Variants in OTUD3 observed in about 807,000 individuals in gnomAD.
OTUD3 encodes the protein OTU domain-containing protein 3.
A neutral mutation model predicts 46.2 loss-of-function variants in OTUD3; 24 were observed. The observed-to-expected ratio is 0.52, with a 90% confidence interval of 0.38 to 0.73. The LOEUF (loss-of-function observed/expected upper bound fraction) is 0.73. OTUD3 is among the 30% of genes least tolerant of loss of function. The probability of loss-of-function intolerance (pLI) is 0.00; values close to 1 mark genes in which losing one functional copy is unlikely to be tolerated. For synonymous variants in OTUD3, 189 were observed against 195.4 expected (o/e 0.97, Z 0.27); for missense variants, 455 against 523.3 (o/e 0.87, Z 1.27).
Position 19,890,370 on chromosome 1 carries a change from T to A in OTUD3, c.222-15T>A, listed in dbSNP as rs902091349. ...CATTTTTGAAAGGTCTTGACTCGTG[T>A]TGTTGTTTTGACAGCAATTGCTTGT... On this transcript the variant is annotated splice_polypyrimidine_tract_variant and intron_variant, in intron 1 of 7. Coordinates refer to ENST00000375120, the MANE Select transcript of OTUD3 (RefSeq NM_015207.2). The A allele has an allele frequency of 3.0e-5, 49 of 1,613,146 alleles. No individual in the cohort carries two copies. The highest frequency in any genetic ancestry group is 4.0e-5 in the Non-Finnish European group (47 of 1,179,158).
At chr1:19,884,928 T>C (rs2045335676) in intron 1 of OTUD3, among the ~76,000 whole-genome samples, 1 of 152,164 alleles carries the variant, frequency 6.6e-6, no homozygotes, top group Non-Finnish European at 1.5e-5. Context: ...GCTACTACTC[T>C]ATGAATTGGC....
rs1198602571 is a variant in OTUD3, at chr1:19,890,512, G to A, written c.349G>A (p.Asp117Asn). 1.2e-6 allele frequency: 2 copies of A among 1,613,866 alleles called. No homozygotes were observed. Among genetic ancestry groups the A allele is most frequent in the Admixed American group, 1.7e-5 (1 of 60,018 alleles). Residue 117 changes from aspartate (D) to asparagine (N), a missense_variant, in exon 2 of 8, where the codon GAC (aspartate) becomes AAC (asparagine). Asp to Asn is a conservative substitution (Grantham distance 23). Transcript: ENST00000375120. ...REDFEPFVEDDIPFEKHVASL... is the reference protein window; with the variant it reads ...REDFEPFVEDNIPFEKHVASL... ...AGATTTTGAACCCTTTGTAGAAGATGACATTCCTTTTGAGAAGCATGGTAG... is the reference window on the plus strand; with the variant it reads ...AGATTTTGAACCCTTTGTAGAAGATAACATTCCTTTTGAGAAGCATGGTAG...
In OTUD3 at chr1:19,898,031, C is replaced by T. The variant is rs185156259; in HGVS notation, c.606+369C>T. On this transcript the variant is annotated intron_variant, in intron 4 of 7. Transcript: ENST00000375120. ...GTGGTGCGATCTCGGCTCACCCAAC[C>T]TCCGCCTCCCGGGTTCAAGCGATTC... Among the ~76,000 whole-genome samples the T allele has an allele frequency of 3.3e-3, 497 of 151,598 alleles. 1 individual carries two copies. The highest frequency in any genetic ancestry group is 0.012 in the African/African-American group (480 of 41,268).
intron 4 of OTUD3, among the ~76,000 whole-genome samples, chr1:19,901,098 C>T (rs780143256): frequency 6.6e-5 from 10 of 151,812 alleles, no homozygotes; most frequent in Non-Finnish European, 1.5e-4. Context: ...TTAGTAGAGA[C>T]GGGGTTTCAC....
rs115320763 is a variant in OTUD3 at position 19,885,353 on chromosome 1, C to G, written c.221+2619C>G. Among the ~76,000 whole-genome samples the G allele has an allele frequency of 6.1e-3, 933 of 152,322 alleles. 14 individuals carry two copies. The highest frequency in any genetic ancestry group is 0.021 in the African/African-American group (877 of 41,560). On this transcript the variant is annotated intron_variant, in intron 1 of 7. Transcript: ENST00000375120. ...TTCCATTAGCTGGACTGTGGTTCAGCCCTCGTCAGTATCCTAGTCCTTTCG... is the reference window on the plus strand; with the variant it reads ...TTCCATTAGCTGGACTGTGGTTCAGGCCTCGTCAGTATCCTAGTCCTTTCG...
chr1:19,886,957 C>A (rs925705832), intron 1 of OTUD3, among the ~76,000 whole-genome samples: 33 of 152,104 alleles, frequency 2.2e-4, no homozygotes, highest in Admixed American at 1.2e-3. Context: ...CTAGTAACTA[C>A]ATTAAAAAGA....
intron 1 of OTUD3, among the ~76,000 whole-genome samples, chr1:19,883,254 A>C (rs1240837577): frequency 1.3e-5 from 2 of 152,166 alleles, no homozygotes; most frequent in Non-Finnish European, 2.9e-5. Context: ...CAGCTTCTCT[A>C]ATTCTTCCTT....
At chr1:19,907,185 C>G (rs1055946991) in intron 7 of OTUD3, among the ~76,000 whole-genome samples, 1 of 152,076 alleles carries the variant, frequency 6.6e-6, no homozygotes, top group African/African-American at 2.4e-5. Context: ...AAGTTCTGAG[C>G]TCAAAATGCC....
At chr1:19,893,323 T>C (rs978601422) in intron 2 of OTUD3, among the ~76,000 whole-genome samples, 2 of 152,180 alleles carry the variant, frequency 1.3e-5, no homozygotes, top group Admixed American at 1.3e-4. Context: ...AAAGCTGTCA[T>C]GCTAACAGTT....
Position 19,897,504 on chromosome 1 carries a change from G to C in OTUD3, c.484-36G>C, listed in dbSNP as rs780597530. The C allele has an allele frequency of 3.7e-5, 60 of 1,611,286 alleles. 1 individual carries two copies. The South Asian group carries it at 5.8e-4, about 16-fold the overall frequency. On this transcript the variant is annotated intron_variant, in intron 3 of 7. Coordinates refer to ENST00000375120, the MANE Select transcript of OTUD3 (RefSeq NM_015207.2). ...TCTCTCCAGAAGTTGATAGTGTTCA[G>C]ATCCTCACTGGCATGGCCCCTTCTT...
At position 19,904,365 on chromosome 1, in the gene OTUD3, T is replaced by C; in HGVS notation, c.705T>C (p.Ala235=). 1.9e-6 allele frequency: 3 copies of C among 1,613,168 alleles called. No individual in the cohort carries two copies. In the South Asian group the frequency reaches 3.3e-5, roughly 18 times the overall value. Residue 235 remains alanine, a synonymous_variant, in exon 5 of 8, where the codon GCT becomes GCC. Coordinates refer to ENST00000375120, the MANE Select transcript of OTUD3 (RefSeq NM_015207.2). ...ACCTGAGAGATGAAGTAGAGGATGCTGTCCAGAAAGTTTGTAATGCAACTG... is the reference window on the plus strand; with the variant it reads ...ACCTGAGAGATGAAGTAGAGGATGCCGTCCAGAAAGTTTGTAATGCAACTG... ...EDDLRDEVED[A]VQKVCNATGC...
At chr1:19,885,491 C>T (rs1187290747) in intron 1 of OTUD3, among the ~76,000 whole-genome samples, 1 of 152,164 alleles carries the variant, frequency 6.6e-6, no homozygotes, top group Non-Finnish European at 1.5e-5. Flanking sequence ...TCTTACTCTG[C>T]CACCCAGGCT....
chr1:19,895,685 C>T (rs903034470), intron 3 of OTUD3, among the ~76,000 whole-genome samples: 4 of 152,180 alleles, frequency 2.6e-5, no homozygotes, highest in East Asian at 1.9e-4. Context: ...TGCGGATGTC[C>T]TGACATCAGG....
intron 6 of OTUD3, 130 bp downstream of exon 6, chr1:19,905,117 G>A (rs946072593): frequency 2.0e-5 from 12 of 605,354 alleles, no homozygotes; most frequent in African/African-American, 9.3e-5. Context: ...TATTGAGCAC[G>A]TTCTGTACGT....
At position 19,904,379 on chromosome 1, in the gene OTUD3, G is replaced by A. The variant is rs769762740; in HGVS notation, c.719G>A (p.Cys240Tyr). The A allele has an allele frequency of 6.2e-7, 1 of 1,612,198 alleles. No homozygotes were observed. The highest frequency in any genetic ancestry group is 8.5e-7 in the Non-Finnish European group (1 of 1,179,400). ...GTAGAGGATGCTGTCCAGAAAGTTT[G>A]TAATGCAACTGGATGTTCAGTTAGT... ...DEVEDAVQKVCNATGCSDFNL... is the reference protein window; with the variant it reads ...DEVEDAVQKVYNATGCSDFNL... The change falls in exon 5 of 8, where the codon TGT (cysteine) becomes TAT (tyrosine). Residue 240 changes from cysteine to tyrosine, a missense_variant. By Grantham distance (194) the Cys-to-Tyr change is radical (BLOSUM62 -2). Coordinates refer to ENST00000375120, the MANE Select transcript of OTUD3 (RefSeq NM_015207.2).
chr1:19,883,852 A>C (rs2045315414), intron 1 of OTUD3, among the ~76,000 whole-genome samples: 1 of 152,204 alleles, frequency 6.6e-6, no homozygotes, highest in Non-Finnish European at 1.5e-5. Context: ...CAGCTTATTG[A>C]TTAAGACTGT....
chr1:19,906,442 GA>G lies in OTUD3; in HGVS notation c.848del (p.Asn283IlefsTer9). 6.2e-7 allele frequency: 1 copy of G among 1,613,804 alleles called. No individual in the cohort carries two copies. Among genetic ancestry groups the G allele is most frequent in the Non-Finnish European group, 8.5e-7 (1 of 1,179,794 alleles). The part of the protein sequence containing the change: ...NQGKRNNAEE[N>X]LEPSGRVLKQ... The stretch of plus-strand genomic sequence containing the variant: ...GTCTTTCTTTGGAAGATGCAGAAGA[GA>G]ATCTTGAGCCCAGTGGTCGAGTGCT... On this transcript the variant is annotated frameshift_variant, in exon 7 of 8. Transcript: ENST00000375120. LOFTEE classifies it high-confidence loss of function.
chr1:19,900,465 C>T (rs886175649), intron 4 of OTUD3, among the ~76,000 whole-genome samples: 5 of 151,988 alleles, frequency 3.3e-5, no homozygotes, highest in African/African-American at 1.2e-4. Context: ...GTTGAGATTA[C>T]AGATGTAAGC....
intron 1 of OTUD3, among the ~76,000 whole-genome samples, chr1:19,883,365 G>T (rs1156294154): frequency 1.3e-5 from 2 of 152,192 alleles, no homozygotes; most frequent in African/African-American, 4.8e-5. Context: ...CGCGGAGGGG[G>T]AGAGTGGGGA....
Sources: gnomAD v4.1 joint callset for allele counts (sites outside exome capture counted in the v4.1 genomes callset) on GRCh38, gnomAD v4.1.1 for gene constraint, MANE v1.5 for transcripts, NCBI Gene and HGNC (gene_info 2026-07-23, HGNC 2026-07-21) for gene names.